PARD6G: variants seen among roughly 807,000 people sequenced by gnomAD.
PARD6G encodes par-6 family cell polarity regulator gamma.
A neutral mutation model predicts 10.7 loss-of-function variants in PARD6G; 7 were observed. The ratio of observed to expected loss-of-function variants is 0.66; its 90% CI spans 0.37 to 1.23. PARD6G has a LOEUF of 1.23. PARD6G is among the 50% of genes most tolerant of loss of function. The pLI is 0.02. For missense variants in PARD6G, 548 were observed against 571.8 expected (o/e 0.96, Z 0.42); for synonymous variants, 287 against 269.4 (o/e 1.07, Z -0.64).
chr18:80,209,199 C>T (rs1967083859), intron 1 of PARD6G, among the ~76,000 whole-genome samples: 1 of 151,990 alleles, frequency 6.6e-6, no homozygotes. Flanking sequence ...TAAAAGGACC[C>T]ATGGTTCCGA....
At chr18:80,212,055 A>C (rs1298202649) in intron 1 of PARD6G, among the ~76,000 whole-genome samples, 2 of 152,212 alleles carry the variant, frequency 1.3e-5, no homozygotes, top group Admixed American at 1.3e-4. Flanking sequence ...ATACTGATAA[A>C]AAAAAATCGA....
At chr18:80,191,318 G>A (rs892487813) in intron 2 of PARD6G, among the ~76,000 whole-genome samples, 2 of 152,154 alleles carry the variant, frequency 1.3e-5, no homozygotes, top group African/African-American at 2.4e-5. Flanking sequence ...GCCCAGGCCT[G>A]GCAGAGCTAC....
intron 2 of PARD6G, among the ~76,000 whole-genome samples, chr18:80,176,701 C>T (rs1252063608): frequency 1.3e-5 from 2 of 152,176 alleles, no homozygotes; most frequent in Non-Finnish European, 2.9e-5. Flanking sequence ...AGCCTCCCCC[C>T]TCATTGCCTG....
In PARD6G at chr18:80,159,827, T is replaced by C; in HGVS notation, c.1075A>G (p.Ser359Gly). 1 of 1,487,842 alleles carries C rather than the reference T, an allele frequency of 6.7e-7. No homozygotes were observed. The highest frequency in any genetic ancestry group is 8.9e-7 in the Non-Finnish European group (1 of 1,123,556). 92.2% of individuals were successfully genotyped at this position (1,487,842 alleles called of 1,614,324 possible). A position where few individuals can be genotyped will look rare whatever the true frequency, so the allele number is the denominator to read the frequency against. Residue 359 changes from serine to glycine, a missense_variant, in exon 3 of 3, where the codon AGC (serine) becomes GGC (glycine). By Grantham distance (56) the Ser-to-Gly change is moderately conservative (BLOSUM62 0). Around this residue, in one of 2 missense-constraint regions of PARD6G, gnomAD observed 313 missense variants for 279.9 expected, o/e 1.12. Coordinates refer to ENST00000353265, the MANE Select transcript of PARD6G (RefSeq NM_032510.4). ...ACGCCGCCTGGCGGCAGCGCCAGGC[T>C]GTGACGGGGGTCGGCCCGCAGGGAG... ...LSSLRADPRH[S>G]LALPPGGVEE...
rs575829924 is a variant in PARD6G, at chr18:80,228,879, G to A, written c.72+18398C>T. On this transcript the variant is annotated intron_variant, in intron 1 of 2. Coordinates refer to ENST00000353265, the MANE Select transcript of PARD6G (RefSeq NM_032510.4). The surrounding 1 kb of genome is among the most constrained non-coding windows in gnomAD (Gnocchi z 4.6). Reference sequence around the variant, plus strand: ...TAAGGGTGACAAATGGAAACAGTAAGTGCATCAAACACATGAAAGCACATT... The same window carrying A: ...TAAGGGTGACAAATGGAAACAGTAAATGCATCAAACACATGAAAGCACATT... Among the ~76,000 whole-genome samples the A allele has an allele frequency of 2.0e-4, 31 of 152,356 alleles. No homozygotes were observed. Among genetic ancestry groups the A allele is most frequent in the Admixed American group, 8.5e-4 (13 of 15,310 alleles).
intron 2 of PARD6G, among the ~76,000 whole-genome samples, chr18:80,199,368 G>A (rs536068634): frequency 1.2e-4 from 19 of 152,128 alleles, no homozygotes; most frequent in Non-Finnish European, 2.1e-4. Flanking sequence ...TTCATGGCTC[G>A]ATAACATTCC....
At chr18:80,195,546 TAC>T (rs1966944107) in intron 2 of PARD6G, among the ~76,000 whole-genome samples, 2 of 85,558 alleles carry the variant, frequency 2.3e-5, no homozygotes, top group East Asian at 6.4e-4. Context: ...TCTTCAAAGA[TAC>T]ATATATATAT....
At chr18:80,198,301 G>A (rs771877284) in intron 2 of PARD6G, among the ~76,000 whole-genome samples, 1 of 152,086 alleles carries the variant, frequency 6.6e-6, no homozygotes, top group Admixed American at 6.5e-5. Flanking sequence ...TCAAAATAAC[G>A]TTCCTAAAGG....
At position 80,157,406 on chromosome 18, in the gene PARD6G, T is replaced by C. The variant is rs1480070497; in HGVS notation, c.*2365A>G. The C allele has an allele frequency of 6.6e-6, 1 of 152,190 alleles. No individual in the cohort carries two copies. The highest frequency in any genetic ancestry group is 1.5e-5 in the Non-Finnish European group (1 of 68,042). 9.4% of individuals were successfully genotyped at this position (152,190 alleles called of 1,614,324 possible). On this transcript the variant is annotated 3_prime_UTR_variant, in exon 3 of 3. Transcript: ENST00000353265. ...TTCTAAGCAGTAATTCCTAAAATTATGAATAGCACACAAATCTCAGTGAAA... is the reference window on the plus strand; with the variant it reads ...TTCTAAGCAGTAATTCCTAAAATTACGAATAGCACACAAATCTCAGTGAAA...
chr18:80,167,435 G>T (rs1055389031), intron 2 of PARD6G, among the ~76,000 whole-genome samples: 2 of 152,172 alleles, frequency 1.3e-5, no homozygotes, highest in African/African-American at 4.8e-5. Flanking sequence ...GCTTGGAGCA[G>T]GTACTCCTGG....
intron 2 of PARD6G, among the ~76,000 whole-genome samples, chr18:80,166,197 C>A (rs905005966): frequency 1.3e-5 from 2 of 151,534 alleles, no homozygotes; most frequent in African/African-American, 2.4e-5. Flanking sequence ...TGAAGGCAGT[C>A]ATGTCAGCGG....
intron 2 of PARD6G, among the ~76,000 whole-genome samples, chr18:80,199,221 T>C (rs183319245): frequency 3.9e-5 from 6 of 152,336 alleles, no homozygotes; most frequent in Admixed American, 1.3e-4. Context: ...ATTTCATCAA[T>C]ACACAGTCCT....
intron 1 of PARD6G, among the ~76,000 whole-genome samples, chr18:80,216,466 A>G (rs79752359): frequency 0.018 from 2,746 of 152,244 alleles, 84 homozygotes; most frequent in African/African-American, 0.063. Context: ...ATAAAAGAAG[A>G]AAATGTGAGA....
intron 2 of PARD6G, among the ~76,000 whole-genome samples, chr18:80,164,063 C>T (rs1481699161): frequency 6.6e-6 from 1 of 152,158 alleles, no homozygotes; most frequent in African/African-American, 2.4e-5. Flanking sequence ...TCTGTCTGTA[C>T]AAAGATCAGA....
At chr18:80,224,712 T>C (rs1031212506) in intron 1 of PARD6G, among the ~76,000 whole-genome samples, 55 of 152,220 alleles carry the variant, frequency 3.6e-4, no homozygotes, top group African/African-American at 1.3e-3. Flanking sequence ...CCGGGCGTGA[T>C]GGCGGGCGCC....
chr18:80,205,344 C>G (rs995481460), intron 1 of PARD6G, among the ~76,000 whole-genome samples: 8 of 152,204 alleles, frequency 5.3e-5, no homozygotes, highest in African/African-American at 1.4e-4. Flanking sequence ...GATCACAAAG[C>G]ATTTATTTCA....
At position 80,159,894 on chromosome 18, in the gene PARD6G, C is replaced by G; in HGVS notation, c.1008G>C (p.Gln336His). Reference sequence around the variant, plus strand: ...GGCCGCCGTCCAGGGCCAGGTCCCGCTGCAGCCGCTGCGCCAGGCCCGCGC... The same window carrying G: ...GGCCGCCGTCCAGGGCCAGGTCCCGGTGCAGCCGCTGCGCCAGGCCCGCGC... ...VNGAGLAQRL[Q>H]RDLALDGGLQ... Residue 336 changes from glutamine (Q) to histidine (H), a missense_variant, in exon 3 of 3, where the codon CAG (glutamine) becomes CAC (histidine). Gln to His is a conservative substitution (Grantham distance 24). Around this residue, in one of 2 missense-constraint regions of PARD6G, gnomAD observed 313 missense variants for 279.9 expected, o/e 1.12. Transcript: ENST00000353265. The G allele has an allele frequency of 6.6e-7, 1 of 1,513,946 alleles. No individual in the cohort carries two copies. The highest frequency in any genetic ancestry group is 1.2e-5 in the South Asian group (1 of 80,760). The allele number at this position is 1,513,946 out of a possible 1,614,324, so 93.8% of individuals were successfully genotyped here. A position where few individuals can be genotyped will look rare whatever the true frequency, so the allele number is the denominator to read the frequency against.
At chr18:80,168,535 C>A (rs2052751668) in intron 2 of PARD6G, among the ~76,000 whole-genome samples, 3 of 151,962 alleles carry the variant, frequency 2.0e-5, no homozygotes, top group Admixed American at 2.0e-4. Flanking sequence ...TGTCTAACCA[C>A]CCTCTCTCCC....
chr18:80,163,902 G>A (rs184294743), intron 2 of PARD6G, among the ~76,000 whole-genome samples: 10 of 152,314 alleles, frequency 6.6e-5, no homozygotes, highest in East Asian at 5.8e-4. Context: ...GAGAGAAGTC[G>A]CACTAGCTGG....
Sources: gnomAD v4.1 joint callset for allele counts (sites outside exome capture counted in the v4.1 genomes callset) on GRCh38, gnomAD v4.1.1 for gene constraint, gnomAD v4.1.1 regional missense constraint, Gnocchi (gnomAD v3.1) non-coding constraint, MANE v1.5 for transcripts, NCBI Gene and HGNC (gene_info 2026-07-23, HGNC 2026-07-21) for gene names.